Variants in ETFA observed in about 807,000 individuals in gnomAD.
ETFA encodes the protein electron transfer flavoprotein subunit alpha, mitochondrial.
In ETFA, 22 loss-of-function variants were observed where a neutral mutation model predicts 46.2. That is an observed-to-expected ratio of 0.48 (90% CI 0.34 to 0.68). The LOEUF is 0.68. ETFA is among the 30% of genes least tolerant of loss of function. The pLI is 0.01. For synonymous variants in ETFA, 131 were observed against 139.9 expected, an observed-to-expected ratio of 0.94 and a Z score of 0.45; for missense variants, 345 against 401.1, an observed-to-expected ratio of 0.86 and a Z score of 1.19.
At chr15:76,233,461 C>G (rs1211459145) in intron 9 of ETFA, among the ~76,000 whole-genome samples, 1 of 151,520 alleles carries the variant, frequency 6.6e-6, no homozygotes, top group East Asian at 1.9e-4. Context: ...TCCCGAGCAG[C>G]TGGGACTACA....
intron 8 of ETFA, 134 bp from the exon 9 acceptor site, chr15:76,274,628 G>A: frequency 1.3e-6 from 1 of 741,814 alleles, no homozygotes; most frequent in Non-Finnish European, 2.3e-6. Flanking sequence ...AAAGCTTCAA[G>A]GAATAACTTC....
chr15:76,244,462 C>T (rs1303461786), intron 9 of ETFA, among the ~76,000 whole-genome samples: 3 of 152,002 alleles, frequency 2.0e-5, no homozygotes, highest in African/African-American at 4.8e-5. Flanking sequence ...TATAGTTAAA[C>T]GATGTTATTA....
rs375408996 is a variant in ETFA, at chr15:76,249,435, AT to A, written c.817-18038del. On this transcript the variant is annotated intron_variant, in intron 9 of 11. Transcript: ENST00000557943. ...GAACCACCACGCCCAGTCCATGGTA[AT>A]TTTTTTTTTTTTTTTTTTTTTTTTA... Among the ~76,000 whole-genome samples the A allele has an allele frequency of 5.6e-3, 420 of 74,758 alleles. 9 individuals are homozygous for A. Among genetic ancestry groups the A allele is most frequent in the African/African-American group, 0.017 (323 of 18,560 alleles). The allele number at this position is 74,758 out of a possible 152,430, so 49.0% of individuals were successfully genotyped here. A position where few individuals can be genotyped will look rare whatever the true frequency, so the allele number is the denominator to read the frequency against.
intron 9 of ETFA, among the ~76,000 whole-genome samples, chr15:76,232,482 G>A (rs2039079136): frequency 6.6e-6 from 1 of 152,170 alleles, no homozygotes; most frequent in Non-Finnish European, 1.5e-5. Context: ...TGAATAATAT[G>A]TGGAAGGCAC....
At chr15:76,266,294 A>G (rs934195239) in intron 9 of ETFA, among the ~76,000 whole-genome samples, 1 of 152,220 alleles carries the variant, frequency 6.6e-6, no homozygotes, top group Non-Finnish European at 1.5e-5. Context: ...TGTTCCCGCC[A>G]TAAATAATAA....
chr15:76,247,910 C>T (rs2039258981), intron 9 of ETFA, among the ~76,000 whole-genome samples: 1 of 152,120 alleles, frequency 6.6e-6, no homozygotes, highest in Non-Finnish European at 1.5e-5. Flanking sequence ...AGACTGTGAA[C>T]CAGTTATTAA....
At chr15:76,240,189 A>G (rs754998321) in intron 9 of ETFA, among the ~76,000 whole-genome samples, 5 of 152,256 alleles carry the variant, frequency 3.3e-5, no homozygotes, top group Non-Finnish European at 7.3e-5. Context: ...AAATGTCTAG[A>G]GGCAAAGCCA....
intron 8 of ETFA, among the ~76,000 whole-genome samples, chr15:76,277,274 C>T (rs2039602375): frequency 6.6e-6 from 1 of 152,166 alleles, no homozygotes; most frequent in Admixed American, 6.5e-5. Context: ...TAAAGCCCCA[C>T]AAGTTAATCT....
chr15:76,225,981 A>T (rs1422170538), intron 10 of ETFA, 52 bp from the exon 11 acceptor site: 3 of 1,017,726 alleles, frequency 2.9e-6, no homozygotes, highest in Non-Finnish European at 3.1e-6. Flanking sequence ...CATTTCACAC[A>T]GACTGATAGT....
intron 9 of ETFA, among the ~76,000 whole-genome samples, chr15:76,264,742 C>T (rs1228593773): frequency 6.6e-6 from 1 of 152,182 alleles, no homozygotes; most frequent in Non-Finnish European, 1.5e-5. Context: ...CATAAGGCTA[C>T]TCTTTTAGCT....
intron 2 of ETFA, 113 bp from the exon 3 acceptor site, chr15:76,292,813 T>G: frequency 2.4e-6 from 2 of 818,782 alleles, no homozygotes; most frequent in Non-Finnish European, 4.3e-6. Context: ...GTAAAAATTA[T>G]TCTTATTAGC....
intron 9 of ETFA, among the ~76,000 whole-genome samples, chr15:76,263,757 G>A (rs986223104): frequency 2.6e-5 from 4 of 152,168 alleles, no homozygotes; most frequent in Non-Finnish European, 2.9e-5. Context: ...CGATGATGAG[G>A]CAGATTCAGA....
Position 76,283,781 on chromosome 15 carries a change from A to C in ETFA, c.709T>G (p.Leu237Val), listed in dbSNP as rs1265516853. 6.2e-7 allele frequency: 1 copy of C among 1,611,180 alleles called. No homozygotes were observed. The highest frequency in any genetic ancestry group is 1.1e-5 in the South Asian group (1 of 90,980). The change falls in exon 8 of 12, where the codon TTG (leucine) becomes GTG (valine). Residue 237 changes from leucine (L) to valine (V), a missense_variant. Physicochemically the swap from Leu to Val is conservative, Grantham distance 32. Transcript: ENST00000557943. ...CCTGCAGCATGTAGTTGATCTGCCA[A>C]GTCATATAACAACTTAAAGTTCTCT... is the stretch of plus-strand genomic sequence containing the variant. The part of the protein sequence containing the change: ...SGENFKLLYD[L>V]ADQLHAAVGA...
chr15:76,301,438 CA>C (rs1434003325), intron 1 of ETFA, among the ~76,000 whole-genome samples: 2 of 152,210 alleles, frequency 1.3e-5, no homozygotes, highest in African/African-American at 4.8e-5. Context: ...TGGCCAGTCG[CA>C]GTGGCTCACG....
chr15:76,261,107 C>A, intron 9 of ETFA: 1 of 1,519,904 alleles, frequency 6.6e-7, no homozygotes, highest in Non-Finnish European at 9.1e-7. Context: ...CACAGGAAAA[C>A]ATGGGTGCTC....
chr15:76,311,395 C>T lies in ETFA; in HGVS notation c.-7G>A, dbSNP rs779643894. ...GAGCCGCCGCTCGGAACATGGTCTC[C>T]GCTTCCGCCGCAACCTCGGCCTTAC... On this transcript the variant is annotated 5_prime_UTR_variant, in exon 1 of 12. Coordinates refer to ENST00000557943, the MANE Select transcript of ETFA (RefSeq NM_000126.4). The T allele has an allele frequency of 1.5e-5, 23 of 1,559,180 alleles. No individual in the cohort carries two copies. The South Asian group carries it at 2.0e-4, about 14-fold the overall frequency.
At position 76,294,940 on chromosome 15, in the gene ETFA, C is replaced by G. The variant is rs1017114488; in HGVS notation, c.186+651G>C. Among the ~76,000 whole-genome samples, 7 of 152,226 alleles carry G rather than the reference C, an allele frequency of 4.6e-5. No individual in the cohort carries two copies. The South Asian group carries it at 1.5e-3, about 32-fold the overall frequency. On this transcript the variant is annotated intron_variant, in intron 2 of 11. Coordinates refer to ENST00000557943, the MANE Select transcript of ETFA (RefSeq NM_000126.4). The stretch of plus-strand genomic sequence containing the variant: ...AAGTTTAAGCCCCCAACTACACACT[C>G]AGCAACTCCTATACCATGTGAGAGG...
intron 1 of ETFA, among the ~76,000 whole-genome samples, chr15:76,303,437 A>C (rs1483618307): frequency 6.6e-6 from 1 of 152,226 alleles, no homozygotes; most frequent in African/African-American, 2.4e-5. Context: ...CTCCAAAAGA[A>C]ATTGCAACAA....
intron 9 of ETFA, among the ~76,000 whole-genome samples, chr15:76,251,317 T>G (rs940809235): frequency 5.9e-5 from 9 of 152,306 alleles, no homozygotes; most frequent in African/African-American, 1.9e-4. Flanking sequence ...TTTATCCACA[T>G]GTAGATAAGC....
Sources: gnomAD v4.1 joint callset for allele counts (sites outside exome capture counted in the v4.1 genomes callset) on GRCh38, gnomAD v4.1.1 for gene constraint, MANE v1.5 for transcripts, NCBI Gene and HGNC (gene_info 2026-07-23, HGNC 2026-07-21) for gene names.